Variants in BRINP3 observed in about 807,000 individuals in gnomAD.
The protein encoded by BRINP3 is BMP/retinoic acid inducible neural specific 3, also known as BMP/retinoic acid-inducible neural-specific protein 3.
Under a neutral mutation model 71.0 loss-of-function variants are expected in BRINP3, and 19 were observed. That is an observed-to-expected ratio of 0.27 (90% CI 0.19 to 0.39). The LOEUF is 0.39. Among genes scored for constraint, BRINP3 ranks in the 10% least tolerant of loss-of-function variants. BRINP3 has a pLI of 1.00. For synonymous variants in BRINP3, 380 were observed against 337.7 expected, an observed-to-expected ratio of 1.13 and a Z score of -1.37; for missense variants, 959 against 940.8, an observed-to-expected ratio of 1.02 and a Z score of -0.25.
chr1:190,331,314 C>CT (rs928874636), intron 2 of BRINP3, among the ~76,000 whole-genome samples: 7 of 151,638 alleles, frequency 4.6e-5, no homozygotes, highest in East Asian at 1.9e-4. Context: ...TACCCAAAGA[C>CT]TTTTTTTTAA....
At chr1:190,406,956 T>A (rs988129977) in intron 2 of BRINP3, among the ~76,000 whole-genome samples, 1 of 152,190 alleles carries the variant, frequency 6.6e-6, no homozygotes, top group Non-Finnish European at 1.5e-5. Context: ...ACAACTGATC[T>A]TACGATATTT....
At chr1:190,180,796 T>A (rs1363575782) in intron 6 of BRINP3, among the ~76,000 whole-genome samples, 1 of 152,108 alleles carries the variant, frequency 6.6e-6, no homozygotes, top group Non-Finnish European at 1.5e-5. Context: ...TATTTGGTGC[T>A]AAGCTGTCTT....
At chr1:190,372,053 G>C (rs1669903921) in intron 2 of BRINP3, among the ~76,000 whole-genome samples, 1 of 152,266 alleles carries the variant, frequency 6.6e-6, no homozygotes, top group Non-Finnish European at 1.5e-5. Context: ...TTTTAGAGTA[G>C]TCTTTAGCTT....
chr1:190,294,606 G>T (rs928775580), intron 2 of BRINP3, among the ~76,000 whole-genome samples: 2 of 152,020 alleles, frequency 1.3e-5, no homozygotes. Flanking sequence ...ACCTCTCCAG[G>T]TCTGGTGACT....
At chr1:190,408,265 C>T (rs944666812) in intron 2 of BRINP3, among the ~76,000 whole-genome samples, 5 of 151,298 alleles carry the variant, frequency 3.3e-5, no homozygotes, top group Admixed American at 6.6e-5. Flanking sequence ...AGGATGGTCT[C>T]GATCTCCTGA....
At chr1:190,317,563 C>T (rs1053492627) in intron 2 of BRINP3, among the ~76,000 whole-genome samples, 2 of 152,018 alleles carry the variant, frequency 1.3e-5, no homozygotes, top group Admixed American at 6.6e-5. Flanking sequence ...ATTCATCATT[C>T]CCTTTCTCTT....
intron 6 of BRINP3, among the ~76,000 whole-genome samples, chr1:190,201,564 G>T (rs1592251): frequency 0.21 from 31,796 of 152,074 alleles, 3,703 homozygotes; most frequent in Middle Eastern, 0.31. Context: ...GCATGACACA[G>T]GACTTTATGG....
chr1:190,192,292 T>C (rs1319700898), intron 6 of BRINP3, among the ~76,000 whole-genome samples: 3 of 152,190 alleles, frequency 2.0e-5, no homozygotes, highest in Non-Finnish European at 4.4e-5. Flanking sequence ...ATGTTTGATT[T>C]CAAATGATAA....
At chr1:190,428,298 C>A (rs1243436963) in intron 2 of BRINP3, among the ~76,000 whole-genome samples, 5 of 151,794 alleles carry the variant, frequency 3.3e-5, no homozygotes, top group Non-Finnish European at 7.4e-5. Context: ...TTGTTAACAG[C>A]AACAATAGAA....
At chr1:190,344,993 C>A (rs1219574467) in intron 2 of BRINP3, among the ~76,000 whole-genome samples, 2 of 151,792 alleles carry the variant, frequency 1.3e-5, no homozygotes, top group African/African-American at 4.8e-5. Flanking sequence ...GCATTACGTA[C>A]ATTGTCAAAA....
intron 2 of BRINP3, among the ~76,000 whole-genome samples, chr1:190,341,430 C>CT (rs1391396582): frequency 1.3e-5 from 2 of 151,714 alleles, no homozygotes; most frequent in African/African-American, 4.8e-5. Context: ...TTAAAATGTA[C>CT]TTTTCTTTCA....
At chr1:190,250,712 G>C (rs766117951) in intron 4 of BRINP3, among the ~76,000 whole-genome samples, 14 of 152,100 alleles carry the variant, frequency 9.2e-5, no homozygotes, top group Non-Finnish European at 1.6e-4. Context: ...GGAACAGTAT[G>C]AAGGCTGCAT....
intron 7 of BRINP3, among the ~76,000 whole-genome samples, chr1:190,102,949 C>A (rs1040002033): frequency 6.6e-6 from 1 of 151,962 alleles, no homozygotes; most frequent in Non-Finnish European, 1.5e-5. Flanking sequence ...ACTGAGAAAT[C>A]ATGTGACATA....
chr1:190,412,412 TATAC>T (rs1672732943), intron 2 of BRINP3, among the ~76,000 whole-genome samples: 1 of 141,022 alleles, frequency 7.1e-6, no homozygotes, highest in Non-Finnish European at 1.6e-5. Context: ...TATATATATA[TATAC>T]ACTTTTTTTT....
At chr1:190,308,645 T>C (rs1301142694) in intron 2 of BRINP3, among the ~76,000 whole-genome samples, 1 of 151,380 alleles carries the variant, frequency 6.6e-6, no homozygotes, top group East Asian at 1.9e-4. Flanking sequence ...AGTATAATAA[T>C]AATAAAAAAA....
intron 2 of BRINP3, among the ~76,000 whole-genome samples, chr1:190,446,923 C>T (rs1381075985): frequency 6.6e-6 from 1 of 150,936 alleles, no homozygotes; most frequent in African/African-American, 2.4e-5. Flanking sequence ...CTGGCTTGCT[C>T]TAGGAAATTA....
At chr1:190,351,850 G>A (rs1268596820) in intron 2 of BRINP3, among the ~76,000 whole-genome samples, 2 of 151,914 alleles carry the variant, frequency 1.3e-5, no homozygotes, top group Non-Finnish European at 2.9e-5. Context: ...ATCAGTATAA[G>A]TAATTTTTTG....
intron 2 of BRINP3, among the ~76,000 whole-genome samples, chr1:190,322,615 A>T (rs1415236019): frequency 2.6e-5 from 4 of 152,048 alleles, no homozygotes; most frequent in Admixed American, 6.6e-5. Context: ...TAAAAAATGA[A>T]TCCGAGGACC....
intron 2 of BRINP3, among the ~76,000 whole-genome samples, chr1:190,311,022 G>A (rs1490940320): frequency 6.6e-6 from 1 of 151,602 alleles, no homozygotes; most frequent in Non-Finnish European, 1.5e-5. Context: ...GAATGCTAGA[G>A]CCAGGTTTGA....
Sources: allele counts gnomAD v4.1 joint callset (sites outside exome capture counted in the v4.1 genomes callset), GRCh38; gene constraint gnomAD v4.1.1; transcripts MANE v1.5; gene names NCBI Gene and HGNC (gene_info 2026-07-23, HGNC 2026-07-21).